The following TLN2 variants were observed in gnomAD, a reference collection of about 807,000 sequenced individuals.
TLN2 encodes the protein talin-2.
TLN2 carries 118 observed loss-of-function variants against 294.7 expected under a neutral mutation model. The ratio of observed to expected loss-of-function variants is 0.40; its 90% CI spans 0.34 to 0.47. TLN2 has a LOEUF of 0.47. Ranked by LOEUF, TLN2 falls within the 20% of genes least tolerant of loss-of-function variation. The pLI is 0.84. For synonymous variants in TLN2, 1,431 were observed against 1,304.5 expected, an observed-to-expected ratio of 1.10 and a Z score of -2.09; for missense variants, 3,083 against 3,282.2, an observed-to-expected ratio of 0.94 and a Z score of 1.48.
intron 1 of TLN2, among the ~76,000 whole-genome samples, chr15:62,585,316 T>C (rs1388036640): frequency 6.6e-6 from 1 of 152,224 alleles, no homozygotes; most frequent in Non-Finnish European, 1.5e-5. Flanking sequence ...GATGATAATA[T>C]TAGGTGTATC....
chr15:62,452,517 T>G (rs1046237835), intron 1 of TLN2, among the ~76,000 whole-genome samples: 6 of 152,152 alleles, frequency 3.9e-5, no homozygotes, highest in African/African-American at 1.4e-4. Context: ...ATGAAGTACA[T>G]TCACATTGCT....
chr15:62,683,829 G>A (rs1298423497), intron 11 of TLN2, among the ~76,000 whole-genome samples: 1 of 152,110 alleles, frequency 6.6e-6, no homozygotes, highest in Non-Finnish European at 1.5e-5. Flanking sequence ...GTGGTTCGGG[G>A]GTACTGAGAC....
At chr15:62,732,699 A>G (rs961174096) in intron 28 of TLN2, among the ~76,000 whole-genome samples, 8 of 152,202 alleles carry the variant, frequency 5.3e-5, no homozygotes, top group African/African-American at 1.9e-4. Flanking sequence ...AGTGTCCTAC[A>G]GTGGAGACGA....
chr15:62,826,977 A>G (rs927044427), intron 54 of TLN2, among the ~76,000 whole-genome samples: 14 of 152,200 alleles, frequency 9.2e-5, no homozygotes, highest in African/African-American at 3.4e-4. Flanking sequence ...CTGAGACCCC[A>G]CTGGAAAGAT....
rs116284994 is a variant in TLN2, at chr15:62,495,206, C to G, written c.-237-94481C>G. On this transcript the variant is annotated intron_variant, in intron 1 of 58. Transcript: ENST00000636159. The stretch of plus-strand genomic sequence containing the variant: ...ATTTCCAGTCATTTATCTAGTCATT[C>G]ATTTCTTTATATAATGACCCTCCTA... Among the ~76,000 whole-genome samples the G allele has an allele frequency of 9.4e-3, 1,428 of 152,238 alleles. 27 individuals are homozygous for G. Among genetic ancestry groups the G allele is most frequent in the African/African-American group, 0.033 (1,366 of 41,536 alleles).
chr15:62,797,978 C>T (rs568901491), intron 48 of TLN2, among the ~76,000 whole-genome samples: 1 of 152,228 alleles, frequency 6.6e-6, no homozygotes, highest in South Asian at 2.1e-4. Context: ...GCACAGGAGA[C>T]GGAGAAGCAG....
Position 62,640,327 on chromosome 15 carries a change from AG to A in TLN2, c.-36-6946del, listed in dbSNP as rs148341560. On this transcript the variant is annotated intron_variant, in intron 3 of 58. Transcript: ENST00000636159. Reference sequence around the variant, plus strand: ...TACAGCCATCCAAAATTGGGCACAGAGGCCTTCCCAGGAGGTCACGGTGGAG... The same window carrying A: ...TACAGCCATCCAAAATTGGGCACAGAGCCTTCCCAGGAGGTCACGGTGGAG... The A allele has an allele frequency of 2.2e-3, 989 of 456,296 alleles. 10 individuals are homozygous for A. Among genetic ancestry groups the A allele is most frequent in the African/African-American group, 0.018 (921 of 50,190 alleles). 28.3% of individuals were successfully genotyped at this position (456,296 alleles called of 1,614,324 possible). A position where few individuals can be genotyped will look rare whatever the true frequency, so the allele number is the denominator to read the frequency against.
At chr15:62,686,897 C>T in intron 12 of TLN2, 101 bp downstream of exon 12, 36 of 1,467,614 alleles carry the variant, frequency 2.5e-5, no homozygotes, top group Non-Finnish European at 3.3e-5. Flanking sequence ...TTTCTCTGGC[C>T]TGGGAGAGCC....
chr15:62,500,434 CT>C (rs1182011921), intron 1 of TLN2, among the ~76,000 whole-genome samples: 1 of 152,206 alleles, frequency 6.6e-6, no homozygotes, highest in Non-Finnish European at 1.5e-5. Context: ...TATTCATTGT[CT>C]CCAGTGTGCT....
chr15:62,780,587 C>G (rs2064078356), intron 43 of TLN2, among the ~76,000 whole-genome samples: 1 of 152,198 alleles, frequency 6.6e-6, no homozygotes, highest in Admixed American at 6.5e-5. Flanking sequence ...TCTCTCAGTT[C>G]CTATTGCATT....
chr15:62,832,418 A>C (rs547768502), intron 54 of TLN2: 1 of 145,072 alleles, frequency 6.9e-6, no homozygotes, highest in African/African-American at 2.6e-5. Context: ...AGAGTCACGG[A>C]ATGTTGTCAC....
chr15:62,447,492 T>A (rs2035884086), intron 1 of TLN2, among the ~76,000 whole-genome samples: 1 of 150,580 alleles, frequency 6.6e-6, no homozygotes. Context: ...GAGTTAACTT[T>A]ACTTTTTTTT....
intron 46 of TLN2, among the ~76,000 whole-genome samples, 191 bp downstream of exon 46, chr15:62,792,978 C>T (rs2065184658): frequency 6.6e-6 from 1 of 152,190 alleles, no homozygotes; most frequent in Non-Finnish European, 1.5e-5. Context: ...TGATCATAGG[C>T]CCAGAGAATT....
chr15:62,392,221 T>TCCC lies in TLN2; in HGVS notation c.-238+1538_-238+1539insCCC, dbSNP rs1248064192. Among the ~76,000 whole-genome samples, 12 of 152,344 alleles carry TCCC rather than the reference T, an allele frequency of 7.9e-5. No homozygotes were observed. In the East Asian group the frequency reaches 2.1e-3, roughly 27 times the overall value. ...CGTGGGGAAACTTGGATTCTTGCTG[T>TCCC]CCTTGAAGAGCTGGGACAACTTAGG... On this transcript the variant is annotated intron_variant, in intron 1 of 58. Coordinates refer to ENST00000636159, the MANE Select transcript of TLN2 (RefSeq NM_015059.3).
In TLN2 at chr15:62,752,164, C is replaced by T. The variant is rs149962989; in HGVS notation, c.4210-141C>T. ...GAAATGATGTAATTTTCTTCCATCT[C>T]TTTTTAATCCAAATAAAGGAGAAAA... On this transcript the variant is annotated intron_variant, in intron 34 of 58. Transcript: ENST00000636159. 8.2e-4 allele frequency: 954 copies of T among 1,170,392 alleles called. 4 individuals carry two copies. The African/African-American group carries it at 0.013, about 16-fold the overall frequency. 72.5% of individuals were successfully genotyped at this position (1,170,392 alleles called of 1,614,324 possible).
At chr15:62,807,399 G>T (rs2141165106) in intron 51 of TLN2, among the ~76,000 whole-genome samples, 1 of 152,304 alleles carries the variant, frequency 6.6e-6, no homozygotes, top group South Asian at 2.1e-4. Context: ...GCATGACCAA[G>T]GTCACGCAGC....
chr15:62,637,977 C>G (rs901377439), intron 3 of TLN2: 2 of 153,098 alleles, frequency 1.3e-5, no homozygotes, highest in African/African-American at 4.8e-5. Flanking sequence ...TATGATGTGC[C>G]TAGGAGACAG....
chr15:62,796,155 C>T lies in TLN2; in HGVS notation c.5912C>T (p.Ala1971Val). 4.3e-6 allele frequency: 7 copies of T among 1,614,250 alleles called. No individual in the cohort carries two copies. Among genetic ancestry groups the T allele is most frequent in the Non-Finnish European group, 5.1e-6 (6 of 1,180,038 alleles). ...TCCTTGGTGCTCTCGGCTCTCCAGG[C>T]CGGGAACAAAGGAACCCAGGCATGC... ...KVSLVLSALQ[A>V]GNKGTQACIT... The change falls in exon 47 of 59, where the codon GCC becomes GTC. Residue 1971 changes from alanine to valine, a missense_variant. By Grantham distance (64) the Ala-to-Val change is moderately conservative (BLOSUM62 0). Transcript: ENST00000636159.
rs114749346 is a variant in TLN2 at position 62,721,780 on chromosome 15, A to G, written c.2992-573A>G. 4.1e-3 allele frequency among the ~76,000 whole-genome samples: 630 copies of G among 152,366 alleles called. 3 individuals are homozygous for G. The highest frequency in any genetic ancestry group is 0.015 in the African/African-American group (605 of 41,588). On this transcript the variant is annotated intron_variant, in intron 25 of 58. Coordinates refer to ENST00000636159, the MANE Select transcript of TLN2 (RefSeq NM_015059.3). ...AACAATAGAGAATTGAGAAATGGCA[A>G]TAGTTGCATATACTGGAATATTATA...
Sources: allele counts gnomAD v4.1 joint callset (sites outside exome capture counted in the v4.1 genomes callset), GRCh38; gene constraint gnomAD v4.1.1; transcripts MANE v1.5; gene names NCBI Gene and HGNC (gene_info 2026-07-23, HGNC 2026-07-21).